The following CSF2RB variants were observed in gnomAD, a reference collection of about 807,000 sequenced individuals.
CSF2RB encodes the protein colony stimulating factor 2 receptor subunit beta.
In CSF2RB, 22 loss-of-function variants were observed where a neutral mutation model predicts 67.2. The observed-to-expected ratio is 0.33, with a 90% CI of 0.23 to 0.47. CSF2RB has a LOEUF of 0.47. CSF2RB is among the 20% of genes least tolerant of loss of function. CSF2RB has a pLI of 1.00. For synonymous variants in CSF2RB, 507 were observed against 482.9 expected, an observed-to-expected ratio of 1.05 and a Z score of -0.65; for missense variants, 1,113 against 1,174.5, an observed-to-expected ratio of 0.95 and a Z score of 0.76.
At chr22:36,927,085 C>G (rs956573807) in intron 4 of CSF2RB, among the ~76,000 whole-genome samples, 3 of 152,128 alleles carry the variant, frequency 2.0e-5, no homozygotes, top group Non-Finnish European at 4.4e-5. Flanking sequence ...TCTGAGTCCC[C>G]GGTCCTAACC....
At position 36,922,165 on chromosome 22, in the gene CSF2RB, C is replaced by A. The variant is rs1338805280; in HGVS notation, c.-43C>A. 6.6e-7 allele frequency: 1 copy of A among 1,524,744 alleles called. No individual in the cohort carries two copies. Among genetic ancestry groups the A allele is most frequent in the Non-Finnish European group, 8.9e-7 (1 of 1,124,516 alleles). 94.5% of individuals were successfully genotyped at this position (1,524,744 alleles called of 1,614,324 possible). ...GACCCTGTCATGCCCATGGCCAGCA[C>A]CCACCAGTGCTGGTGCCTGCCTGTC... is the stretch of plus-strand genomic sequence containing the variant. On this transcript the variant is annotated 5_prime_UTR_variant, in exon 2 of 14. Coordinates refer to ENST00000403662, the MANE Select transcript of CSF2RB (RefSeq NM_000395.3).
At chr22:36,922,744 T>TC in intron 2 of CSF2RB, 1 of 280,704 alleles carries the variant, frequency 3.6e-6, no homozygotes, top group African/African-American at 2.2e-5. Flanking sequence ...AAATGGCCCC[T>TC]CCCAAGGGCT....
At chr22:36,923,395 G>A (rs1033966655) in intron 3 of CSF2RB, 28 bp downstream of exon 3, 11 of 1,610,680 alleles carry the variant, frequency 6.8e-6, no homozygotes, top group Middle Eastern at 1.7e-4. Context: ...CAGGGGCCAC[G>A]GGCAGGGGCT....
At chr22:36,933,682 G>T (rs1436759022) in intron 9 of CSF2RB, 150 bp from the exon 10 acceptor site, 1 of 1,071,406 alleles carries the variant, frequency 9.3e-7, no homozygotes. Context: ...GGGCCCTCAG[G>T]GAGGATCCAC....
At chr22:36,921,305 CTG>C (rs982364049) in intron 1 of CSF2RB, among the ~76,000 whole-genome samples, 1 of 148,338 alleles carries the variant, frequency 6.7e-6, no homozygotes, top group Non-Finnish European at 1.5e-5. Context: ...TTGTATGTAT[CTG>C]TGTGTGTCTG....
chr22:36,928,181 G>C (rs981656998), intron 4 of CSF2RB, among the ~76,000 whole-genome samples: 2 of 152,176 alleles, frequency 1.3e-5, no homozygotes, highest in African/African-American at 4.8e-5. Context: ...TCTGCTCTGA[G>C]TCTCCATGTT....
intron 12 of CSF2RB, 125 bp downstream of exon 12, chr22:36,935,812 T>C (rs1409123337): frequency 2.9e-6 from 3 of 1,029,648 alleles, no homozygotes; most frequent in Non-Finnish European, 2.9e-6. Context: ...GACTGGGCTT[T>C]GGGAGCTTTG....
Position 36,939,318 on chromosome 22 carries a change from G to T in CSF2RB, c.*816G>T. The T allele has an allele frequency of 1.4e-6, 1 of 699,764 alleles. No homozygotes were observed. Among genetic ancestry groups the T allele is most frequent in the Admixed American group, 2.0e-5 (1 of 49,788 alleles). The allele number at this position is 699,764 out of a possible 1,614,324, so 43.3% of individuals were successfully genotyped here. A position where few individuals can be genotyped will look rare whatever the true frequency, so the allele number is the denominator to read the frequency against. On this transcript the variant is annotated 3_prime_UTR_variant, in exon 14 of 14. Transcript: ENST00000403662. Reference sequence around the variant, plus strand: ...GGGAACATCAGGAGAGGAGTCCAGAGCCCACGTCTACTGCGGAAAAGTCAG... The same window carrying T: ...GGGAACATCAGGAGAGGAGTCCAGATCCCACGTCTACTGCGGAAAAGTCAG...
Position 36,940,401 on chromosome 22 carries a change from A to G in CSF2RB, c.*1899A>G, listed in dbSNP as rs948949947. The G allele has an allele frequency of 1.3e-5, 2 of 152,362 alleles. No individual in the cohort carries two copies. The highest frequency in any genetic ancestry group is 4.1e-4 in the South Asian group (2 of 4,826). 9.4% of individuals were successfully genotyped at this position (152,362 alleles called of 1,614,324 possible). ...AATTCCAAAATATCCAGACATTGTT[A>G]AAGGGAAAAAATTGCAATAAAATAT... On this transcript the variant is annotated 3_prime_UTR_variant, in exon 14 of 14. Transcript: ENST00000403662.
intron 1 of CSF2RB, among the ~76,000 whole-genome samples, chr22:36,915,310 C>T (rs1434723902): frequency 6.6e-6 from 1 of 152,064 alleles, no homozygotes; most frequent in Non-Finnish European, 1.5e-5. Context: ...GTCTCGAACT[C>T]CTGACCTCAG....
At position 36,937,972 on chromosome 22, in the gene CSF2RB, A is replaced by C. The variant is rs1479433730; in HGVS notation, c.2164A>C (p.Asn722His). Residue 722 changes from asparagine (N) to histidine (H), a missense_variant, in exon 14 of 14, where the codon AAC becomes CAC. By Grantham distance (68) the Asn-to-His change is moderately conservative. Coordinates refer to ENST00000403662, the MANE Select transcript of CSF2RB (RefSeq NM_000395.3). This position sits in a 1 kb window ranked among gnomAD's most constrained non-coding sequence, Gnocchi z 4.6. ...CTCTGCAGACCTGGTATTCACCCCA[A>C]ACTCAGGGGCCTCGTCTGTCTCCCT... Reference protein sequence around the residue: ...VSSADLVFTPNSGASSVSLVP... With the variant: ...VSSADLVFTPHSGASSVSLVP... 1 of 1,614,014 alleles carries C rather than the reference A, an allele frequency of 6.2e-7. No individual in the cohort carries two copies. The highest frequency in any genetic ancestry group is 1.7e-5 in the Admixed American group (1 of 60,010).
chr22:36,926,802 C>T (rs994611996), intron 4 of CSF2RB, among the ~76,000 whole-genome samples: 1 of 152,192 alleles, frequency 6.6e-6, no homozygotes, highest in African/African-American at 2.4e-5. Context: ...ACCTGCACTT[C>T]GAAGTCCTGG....
intron 1 of CSF2RB, among the ~76,000 whole-genome samples, chr22:36,915,719 A>T (rs1164497156): frequency 1.3e-5 from 2 of 152,230 alleles, no homozygotes; most frequent in Non-Finnish European, 2.9e-5. Context: ...ATCAGCCTCA[A>T]AGTAGCTGAG....
chr22:36,935,343 G>C lies in CSF2RB; in HGVS notation c.1316-8G>C. 6.2e-7 allele frequency: 1 copy of C among 1,614,044 alleles called. No individual in the cohort carries two copies. On this transcript the variant is annotated splice_polypyrimidine_tract_variant and splice_region_variant and intron_variant, in intron 10 of 13. Transcript: ENST00000403662. ...CTGACATTCCTCTTTCTCCCCGGCT[G>C]CTGGAAGTGCTGCCTATGTGGGTGC...
At position 36,938,936 on chromosome 22, in the gene CSF2RB, G is replaced by A; in HGVS notation, c.*434G>A. The A allele has an allele frequency of 1.7e-6, 1 of 597,686 alleles. No individual in the cohort carries two copies. The highest frequency in any genetic ancestry group is 3.0e-6 in the Non-Finnish European group (1 of 334,406). The allele number at this position is 597,686 out of a possible 1,614,324, so 37.0% of individuals were successfully genotyped here. A position where few individuals can be genotyped will look rare whatever the true frequency, so the allele number is the denominator to read the frequency against. ...GGCTGGTTGTGTTGAGGACTTGTGT[G>A]GGCTGCCTGTCCCCGGCAGTCGCTG... On this transcript the variant is annotated 3_prime_UTR_variant, in exon 14 of 14. Coordinates refer to ENST00000403662, the MANE Select transcript of CSF2RB (RefSeq NM_000395.3).
intron 4 of CSF2RB, among the ~76,000 whole-genome samples, chr22:36,928,881 G>A (rs554159296): frequency 1.3e-5 from 2 of 152,188 alleles, no homozygotes; most frequent in Non-Finnish European, 2.9e-5. Context: ...GGCCCTGGTG[G>A]AGGGAATTCC....
intron 3 of CSF2RB, chr22:36,923,966 A>G (rs1940945600): frequency 2.7e-6 from 1 of 370,514 alleles, no homozygotes; most frequent in African/African-American, 2.1e-5. Context: ...ACGTGCCACA[A>G]GGGAAGGGGA....
chr22:36,922,343 G>A, intron 2 of CSF2RB, 60 bp downstream of exon 2: 1 of 1,477,532 alleles, frequency 6.8e-7, no homozygotes, highest in Non-Finnish European at 9.3e-7. Context: ...CACCCTGGGG[G>A]AGGGCCGCAG....
At chr22:36,924,942 G>T (rs572919320) in intron 3 of CSF2RB, among the ~76,000 whole-genome samples, 1 of 152,132 alleles carries the variant, frequency 6.6e-6, no homozygotes, top group Non-Finnish European at 1.5e-5. Flanking sequence ...GGCCCCTGGG[G>T]CATCTCCCAA....
Sources: allele counts gnomAD v4.1 joint callset (sites outside exome capture counted in the v4.1 genomes callset), GRCh38; gene constraint gnomAD v4.1.1; non-coding constraint Gnocchi (gnomAD v3.1); transcripts MANE v1.5; gene names NCBI Gene and HGNC (gene_info 2026-07-23, HGNC 2026-07-21).